The following ANO1 variants were observed in gnomAD, a reference collection of about 807,000 sequenced individuals.
ANO1 encodes the protein anoctamin-1.
A neutral mutation model predicts 124.0 loss-of-function variants in ANO1; 59 were observed. That is an observed-to-expected ratio of 0.48 (90% CI 0.39 to 0.59). The LOEUF (loss-of-function observed/expected upper bound fraction) is 0.59, where lower values mean the gene tolerates loss of function less well. Ranked by LOEUF, ANO1 falls within the 20% of genes least tolerant of loss-of-function variation. The probability of loss-of-function intolerance (pLI) is 0.00; values close to 1 mark genes in which losing one functional copy is unlikely to be tolerated. For missense variants in ANO1, 1,059 were observed against 1,328.0 expected (o/e 0.80, Z 3.15); for synonymous variants, 529 against 532.0 (o/e 0.99, Z 0.08).
At chr11:70,145,943 C>CAAAAAAA (rs10589426) in intron 11 of ANO1, among the ~76,000 whole-genome samples, 380 of 107,930 alleles carry the variant, frequency 3.5e-3, no homozygotes, top group Non-Finnish European at 4.2e-3. Context: ...TCTCAAAAAA[C>CAAAAAAA]AAAAAAAAAA....
At chr11:70,054,338 T>A (rs925089744) in intron 1 of ANO1, among the ~76,000 whole-genome samples, 14 of 152,178 alleles carry the variant, frequency 9.2e-5, no homozygotes, top group Middle Eastern at 3.4e-3. Flanking sequence ...GGGAACATGG[T>A]GTAGGCCAAG....
At chr11:70,123,472 C>A (rs542723828) in intron 8 of ANO1, among the ~76,000 whole-genome samples, 1 of 152,226 alleles carries the variant, frequency 6.6e-6, no homozygotes. Flanking sequence ...GCCCTCCAGG[C>A]ACTGGAGGAG....
chr11:70,063,885 C>G (rs1374651922), intron 1 of ANO1: 2 of 152,226 alleles, frequency 1.3e-5, no homozygotes, highest in African/African-American at 2.4e-5. Context: ...TATTTTCTGC[C>G]CTTCCTTTGT....
upstream of ANO1, among the ~76,000 whole-genome samples, chr11:70,073,520 T>C (rs2044011663): frequency 6.6e-6 from 1 of 152,066 alleles, no homozygotes. Flanking sequence ...ACATCTATAG[T>C]GTGCCAAGGA....
At position 70,171,346 on chromosome 11, in the gene ANO1, C is replaced by T. The variant is rs141054999; in HGVS notation, c.2350+307C>T. Among the ~76,000 whole-genome samples the T allele has an allele frequency of 4.7e-3, 718 of 152,004 alleles. 12 individuals are homozygous for T. The highest frequency in any genetic ancestry group is 0.016 in the African/African-American group (675 of 41,434). Reference sequence around the variant, plus strand: ...GGAGGTACAAGAGACTACATTTCCTCTCTGATGGCTGGCGACACCCACCTG... The same window carrying T: ...GGAGGTACAAGAGACTACATTTCCTTTCTGATGGCTGGCGACACCCACCTG... On this transcript the variant is annotated intron_variant, in intron 22 of 25. Transcript: ENST00000355303.
chr11:70,006,018 G>C (rs1236221692), intron 1 of ANO1, among the ~76,000 whole-genome samples: 3 of 152,172 alleles, frequency 2.0e-5, no homozygotes, highest in African/African-American at 7.2e-5. Context: ...CAAACTCTGG[G>C]GTGGCAGGTG....
chr11:70,043,900 T>C (rs1289323638), intron 1 of ANO1, among the ~76,000 whole-genome samples: 1 of 152,124 alleles, frequency 6.6e-6, no homozygotes, highest in African/African-American at 2.4e-5. Flanking sequence ...CCAGAATTAG[T>C]ATATAATAAT....
At chr11:70,112,565 T>G (rs1435593100) in intron 7 of ANO1, among the ~76,000 whole-genome samples, 1 of 150,872 alleles carries the variant, frequency 6.6e-6, no homozygotes, top group Non-Finnish European at 1.5e-5. Context: ...TTTTTTTTTT[T>G]TTTTTGAAAC....
At chr11:70,145,420 G>A (rs529423538) in intron 11 of ANO1, among the ~76,000 whole-genome samples, 2 of 152,296 alleles carry the variant, frequency 1.3e-5, no homozygotes, top group East Asian at 3.9e-4. Flanking sequence ...GGCTTTTAAA[G>A]GAGAAGCAGG....
At chr11:69,974,562 ACCTCATGCT>A in the ANO1 span, among the ~76,000 whole-genome samples, 1 of 152,176 alleles carries the variant, frequency 6.6e-6, no homozygotes, top group Non-Finnish European at 1.5e-5. Context: ...GGCCAGCAGA[ACCTCATGCT>A]CTTGGCCCTG....
In ANO1 at chr11:70,178,949, T is replaced by C. The variant is rs192673409; in HGVS notation, c.2351-1055T>C. 5.7e-3 allele frequency among the ~76,000 whole-genome samples: 868 copies of C among 152,374 alleles called. 4 individuals are homozygous for C. The highest frequency in any genetic ancestry group is 0.012 in the Admixed American group (191 of 15,310). On this transcript the variant is annotated intron_variant, in intron 22 of 25. Transcript: ENST00000355303. ...GGCTGGGGCCAGGGAGCAAGAGATC[T>C]TGGTCTCAGAGGTTTCATCTGAGCC... is the stretch of plus-strand genomic sequence containing the variant.
intron 1 of ANO1, among the ~76,000 whole-genome samples, chr11:70,052,761 G>C (rs782101071): frequency 2.6e-5 from 4 of 151,626 alleles, no homozygotes; most frequent in African/African-American, 7.3e-5. Context: ...CACCATGTTG[G>C]CCAGGCTGGT....
chr11:69,997,018 G>A (rs4980573), intron 1 of ANO1, among the ~76,000 whole-genome samples: 130,990 of 152,138 alleles, frequency 0.86, 57,129 homozygotes, highest in East Asian at 0.98. Flanking sequence ...TGGAACAGTG[G>A]GGTCACCTCC....
intron 1 of ANO1, among the ~76,000 whole-genome samples, chr11:70,006,663 C>CTTTCTTTT (rs1856495151): frequency 1.1e-5 from 1 of 88,996 alleles, no homozygotes; most frequent in African/African-American, 4.2e-5. Context: ...TTTCTTCTTT[C>CTTTCTTTT]TTTTTTTTTT....
intron 6 of ANO1, chr11:70,111,141 G>C (rs1202035087): frequency 2.2e-6 from 1 of 456,882 alleles, no homozygotes; most frequent in East Asian, 6.9e-5. Flanking sequence ...GGCGAGGGAA[G>C]AAAGAAGGAC....
At chr11:70,019,112 G>A (rs994179895) in intron 1 of ANO1, among the ~76,000 whole-genome samples, 13 of 152,266 alleles carry the variant, frequency 8.5e-5, no homozygotes, top group South Asian at 6.2e-4. Context: ...TTATTCATTC[G>A]TTCAACAAAT....
chr11:70,168,973 A>G (rs1481841640), intron 21 of ANO1, among the ~76,000 whole-genome samples: 1 of 152,194 alleles, frequency 6.6e-6, no homozygotes, highest in Non-Finnish European at 1.5e-5. Flanking sequence ...ATAAAGTCCA[A>G]GCTGAACCAG....
intron 1 of ANO1, among the ~76,000 whole-genome samples, chr11:69,992,493 C>T (rs1484876661): frequency 3.3e-5 from 5 of 152,172 alleles, no homozygotes; most frequent in African/African-American, 1.2e-4. Flanking sequence ...AGAGTGTTCT[C>T]TTGGTGAATC....
chr11:70,031,485 C>T (rs1857000295), intron 1 of ANO1, among the ~76,000 whole-genome samples: 1 of 152,212 alleles, frequency 6.6e-6, no homozygotes, highest in Admixed American at 6.5e-5. Context: ...ATTGGCAATT[C>T]TCCTTCCCTC....
Sources: allele counts gnomAD v4.1 joint callset (sites outside exome capture counted in the v4.1 genomes callset), GRCh38; gene constraint gnomAD v4.1.1; transcripts MANE v1.5; gene names NCBI Gene and HGNC (gene_info 2026-07-23, HGNC 2026-07-21).